UNC5C: variants seen among roughly 807,000 people sequenced by gnomAD.
UNC5C encodes unc-5 netrin receptor C.
In UNC5C, 47 loss-of-function variants were observed where a neutral mutation model predicts 99.8. That is an observed-to-expected ratio of 0.47 (90% confidence interval 0.37 to 0.60). UNC5C has a LOEUF of 0.60. UNC5C is among the 20% of genes least tolerant of loss of function. The pLI is 0.00. For missense variants in UNC5C, 1,062 were observed against 1,165.9 expected, an observed-to-expected ratio of 0.91 and a Z score of 1.30; for synonymous variants, 487 against 452.2, an observed-to-expected ratio of 1.08 and a Z score of -0.98.
intron 2 of UNC5C, among the ~76,000 whole-genome samples, chr4:95,304,527 T>C (rs1027454650): frequency 1.3e-5 from 2 of 152,132 alleles, no homozygotes; most frequent in African/African-American, 2.4e-5. Context: ...TATGGGAAGA[T>C]GGAATCACAA....
chr4:95,386,842 T>G (rs546756943), intron 1 of UNC5C, among the ~76,000 whole-genome samples: 2 of 152,224 alleles, frequency 1.3e-5, no homozygotes, highest in East Asian at 3.9e-4. Flanking sequence ...GAAGCTGTGT[T>G]TTTTTTCTCC....
At chr4:95,201,116 G>T (rs2149359863) in intron 12 of UNC5C, among the ~76,000 whole-genome samples, 1 of 152,306 alleles carries the variant, frequency 6.6e-6, no homozygotes, top group African/African-American at 2.4e-5. Context: ...CACACTGGAA[G>T]TCTGGGTTGG....
intron 1 of UNC5C, among the ~76,000 whole-genome samples, chr4:95,441,111 C>T (rs1746939070): frequency 6.6e-6 from 1 of 152,110 alleles, no homozygotes. Flanking sequence ...TTGGTTTTGA[C>T]CACATAAAAG....
intron 2 of UNC5C, among the ~76,000 whole-genome samples, chr4:95,322,186 G>C (rs1055796541): frequency 2.5e-4 from 38 of 152,134 alleles, no homozygotes; most frequent in Non-Finnish European, 4.9e-4. Context: ...TTTTGAAATT[G>C]TTCACTCTGT....
At chr4:95,390,106 A>G (rs10440376) in intron 1 of UNC5C, among the ~76,000 whole-genome samples, 53,642 of 151,952 alleles carry the variant, frequency 0.35, 9,844 homozygotes, top group Middle Eastern at 0.44. Flanking sequence ...AGTAAAAAGT[A>G]TCATACTAAT....
At chr4:95,289,198 C>T (rs1741353948) in intron 3 of UNC5C, among the ~76,000 whole-genome samples, 1 of 152,070 alleles carries the variant, frequency 6.6e-6, no homozygotes, top group Admixed American at 6.5e-5. Flanking sequence ...ATTTACATAC[C>T]CACTTCCTCC....
rs577894549 is a variant in UNC5C at position 95,244,961 on chromosome 4, G to T, written c.943+16C>A. ...ATAATAGGAGATACTTGGAATGAGA[G>T]GACTGGTTTATTTACCTGGGCATAA... On this transcript the variant is annotated intron_variant, in intron 6 of 15. Coordinates refer to ENST00000453304, the MANE Select transcript of UNC5C (RefSeq NM_003728.4). 1.9e-6 allele frequency: 3 copies of T among 1,613,134 alleles called. No individual in the cohort carries two copies. The highest frequency in any genetic ancestry group is 3.3e-5 in the Admixed American group (2 of 59,810).
At chr4:95,514,048 T>C (rs1490011627) in intron 1 of UNC5C, among the ~76,000 whole-genome samples, 1 of 152,166 alleles carries the variant, frequency 6.6e-6, no homozygotes, top group Non-Finnish European at 1.5e-5. Flanking sequence ...ATAAATAAAC[T>C]CCCTGTTTCT....
intron 3 of UNC5C, among the ~76,000 whole-genome samples, chr4:95,288,727 T>A (rs1253520076): frequency 6.6e-6 from 1 of 152,202 alleles, no homozygotes; most frequent in Admixed American, 6.5e-5. Context: ...TGTGGCTACA[T>A]CCCTCTAATC....
chr4:95,261,261 G>C (rs573394236), intron 4 of UNC5C, among the ~76,000 whole-genome samples: 1 of 152,268 alleles, frequency 6.6e-6, no homozygotes, highest in South Asian at 2.1e-4. Context: ...TAGAAAAGAA[G>C]CATTGGACAC....
chr4:95,250,501 G>A lies in UNC5C; in HGVS notation c.761C>T (p.Thr254Ile), dbSNP rs1739659918. 6.2e-7 allele frequency: 1 copy of A among 1,613,980 alleles called. No individual in the cohort carries two copies. The highest frequency in any genetic ancestry group is 1.7e-5 in the Admixed American group (1 of 59,994). ...GGGCCACTCACCATAGACTATGACA[G>A]TGGCAGTTGTACTTTTCCTCTTGGC... ...IVAKRKSTTA[T>I]VIVYVNGGWS... Residue 254 changes from threonine (T) to isoleucine (I), a missense_variant, in exon 5 of 16, where the codon ACT (threonine) becomes ATT (isoleucine). By Grantham distance (89) the Thr-to-Ile change is moderately conservative. Transcript: ENST00000453304.
At chr4:95,490,547 T>C (rs17384050) in intron 1 of UNC5C, among the ~76,000 whole-genome samples, 40,268 of 151,616 alleles carry the variant, frequency 0.27, 6,527 homozygotes, top group Non-Finnish European at 0.35. Context: ...ATCTGCATTT[T>C]AGTGAGTTAC....
intron 1 of UNC5C, among the ~76,000 whole-genome samples, chr4:95,468,789 C>G (rs1747877251): frequency 6.6e-6 from 1 of 152,054 alleles, no homozygotes; most frequent in Non-Finnish European, 1.5e-5. Context: ...GGCAAGTTGA[C>G]CACTTTGACA....
chr4:95,234,826 G>A (rs1295614416), intron 7 of UNC5C, among the ~76,000 whole-genome samples: 2 of 152,144 alleles, frequency 1.3e-5, no homozygotes, highest in African/African-American at 4.8e-5. Context: ...GAACTACTAT[G>A]TATGAGTGGT....
chr4:95,182,284 C>A (rs7677356), intron 14 of UNC5C, among the ~76,000 whole-genome samples: 1 of 152,200 alleles, frequency 6.6e-6, no homozygotes, highest in Non-Finnish European at 1.5e-5. Flanking sequence ...GGGGGAAATA[C>A]GGAGATTCTA....
At chr4:95,353,113 C>T (rs1178632819) in intron 1 of UNC5C, among the ~76,000 whole-genome samples, 1 of 152,100 alleles carries the variant, frequency 6.6e-6, no homozygotes, top group Non-Finnish European at 1.5e-5. Context: ...TCCTTAATGA[C>T]TTTGAGTTCA....
intron 1 of UNC5C, among the ~76,000 whole-genome samples, chr4:95,485,055 A>C (rs973978078): frequency 3.2e-4 from 49 of 151,890 alleles, no homozygotes; most frequent in African/African-American, 1.2e-3. Flanking sequence ...TCTCAAAAAC[A>C]AATTCAGTGA....
At chr4:95,493,474 A>G (rs1460232492) in intron 1 of UNC5C, among the ~76,000 whole-genome samples, 1 of 151,464 alleles carries the variant, frequency 6.6e-6, no homozygotes, top group East Asian at 1.9e-4. Context: ...AATTTTCTGA[A>G]TATTTTTATC....
chr4:95,376,654 A>C (rs998510493), intron 1 of UNC5C, among the ~76,000 whole-genome samples: 1 of 152,200 alleles, frequency 6.6e-6, no homozygotes, highest in Non-Finnish European at 1.5e-5. Context: ...ACCAAAATAC[A>C]GTCATTTGAC....
Sources: gnomAD v4.1 joint callset for allele counts (sites outside exome capture counted in the v4.1 genomes callset) on GRCh38, gnomAD v4.1.1 for gene constraint, MANE v1.5 for transcripts, NCBI Gene and HGNC (gene_info 2026-07-23, HGNC 2026-07-21) for gene names.